Variants in DGKB observed in about 807,000 individuals in gnomAD.
DGKB encodes diacylglycerol kinase beta, also known as 90 kDa diacylglycerol kinase.
Under a neutral mutation model 114.3 loss-of-function variants are expected in DGKB, and 67 were observed. The observed-to-expected ratio is 0.59, with a 90% CI of 0.48 to 0.72. The LOEUF (loss-of-function observed/expected upper bound fraction) is 0.72. Ranked by LOEUF, DGKB falls within the 30% of genes least tolerant of loss-of-function variation. DGKB has a pLI of 0.00. For missense variants in DGKB, 907 were observed against 975.2 expected, an observed-to-expected ratio of 0.93 and a Z score of 0.93; for synonymous variants, 398 against 323.1, an observed-to-expected ratio of 1.23 and a Z score of -2.49.
At chr7:14,336,193 A>T (rs183487003) in intron 23 of DGKB, among the ~76,000 whole-genome samples, 1 of 152,320 alleles carries the variant, frequency 6.6e-6, no homozygotes, top group Non-Finnish European at 1.5e-5. Context: ...ATAAATATGA[A>T]ATCAAAACTT....
intron 1 of DGKB, among the ~76,000 whole-genome samples, chr7:14,922,718 A>T (rs1784569183): frequency 6.6e-6 from 1 of 152,114 alleles, no homozygotes; most frequent in Non-Finnish European, 1.5e-5. Context: ...GTGATTTTAA[A>T]ACTCTTATGA....
intron 1 of DGKB, among the ~76,000 whole-genome samples, chr7:14,856,717 C>A (rs1289246021): frequency 6.6e-6 from 1 of 151,792 alleles, no homozygotes; most frequent in Non-Finnish European, 1.5e-5. Flanking sequence ...AAGATTTAGG[C>A]TTTATTTTTA....
chr7:14,775,020 A>G (rs1369226772), intron 2 of DGKB, among the ~76,000 whole-genome samples: 1 of 152,172 alleles, frequency 6.6e-6, no homozygotes, highest in East Asian at 1.9e-4. Context: ...AAGAATATAT[A>G]ACCTTCCATG....
At chr7:14,712,944 T>C (rs1159202268) in intron 6 of DGKB, among the ~76,000 whole-genome samples, 2 of 152,098 alleles carry the variant, frequency 1.3e-5, no homozygotes, top group Non-Finnish European at 2.9e-5. Context: ...AATAAATATA[T>C]AGCTGTTTGG....
chr7:14,528,676 C>G (rs897056071), intron 20 of DGKB, among the ~76,000 whole-genome samples: 1 of 151,900 alleles, frequency 6.6e-6, no homozygotes, highest in African/African-American at 2.4e-5. Flanking sequence ...AAAAAACTAT[C>G]AAGACATTAT....
At position 14,717,313 on chromosome 7, in the gene DGKB, T is replaced by A. The variant is rs551897740; in HGVS notation, c.466+1229A>T. 2.0e-5 allele frequency among the ~76,000 whole-genome samples: 3 copies of A among 152,272 alleles called. No individual in the cohort carries two copies. In the South Asian group the frequency reaches 6.2e-4, roughly 32 times the overall value. On this transcript the variant is annotated intron_variant, in intron 6 of 25. Coordinates refer to ENST00000402815, the MANE Select transcript of DGKB (RefSeq NM_001350709.2). ...TGTGGAAAAAATGTTTGTCTTTATA[T>A]GTTTATAATCATCCCAAATGTGCTC...
chr7:14,876,682 C>T (rs1041506042), intron 1 of DGKB, among the ~76,000 whole-genome samples: 2 of 152,140 alleles, frequency 1.3e-5, no homozygotes, highest in African/African-American at 2.4e-5. Context: ...TTCCTGGACT[C>T]GTTAGCTGTA....
At chr7:14,400,565 C>T (rs1222131401) in intron 21 of DGKB, among the ~76,000 whole-genome samples, 2 of 151,734 alleles carry the variant, frequency 1.3e-5, no homozygotes, top group Non-Finnish European at 2.9e-5. Context: ...AAAAATAATC[C>T]TGCTTTTCAG....
At chr7:14,204,742 T>C (rs6969205) in intron 23 of DGKB, among the ~76,000 whole-genome samples, 70,150 of 151,778 alleles carry the variant, frequency 0.46, 19,075 homozygotes, top group African/African-American at 0.76. Context: ...GCAAATATTC[T>C]CCACATTGAA....
chr7:14,449,483 A>G (rs1253978227), intron 21 of DGKB, among the ~76,000 whole-genome samples: 1 of 151,908 alleles, frequency 6.6e-6, no homozygotes, highest in East Asian at 1.9e-4. Context: ...CACCCCCTAC[A>G]CTTGGAACAG....
At position 14,505,469 on chromosome 7, in the gene DGKB, A is replaced by G. The variant is rs551678221; in HGVS notation, c.1771-27244T>C. ...ACTCCGTCTCGAAAAAAAAAAAAAG[A>G]AAAAGAAAAAATAAATTCAAACTTA... On this transcript the variant is annotated intron_variant, in intron 20 of 25. Coordinates refer to ENST00000402815, the MANE Select transcript of DGKB (RefSeq NM_001350709.2). Among the ~76,000 whole-genome samples the G allele has an allele frequency of 2.0e-3, 298 of 151,398 alleles. 3 individuals are homozygous for G. Among genetic ancestry groups the G allele is most frequent in the Middle Eastern group, 0.017 (5 of 294 alleles).
chr7:14,761,840 T>G (rs1216230444), intron 2 of DGKB, among the ~76,000 whole-genome samples: 1 of 152,108 alleles, frequency 6.6e-6, no homozygotes, highest in Non-Finnish European at 1.5e-5. Context: ...GGCAGCCCAG[T>G]GCTGAGCAGC....
intron 19 of DGKB, among the ~76,000 whole-genome samples, chr7:14,580,326 T>C (rs1443622660): frequency 2.0e-5 from 3 of 152,214 alleles, no homozygotes; most frequent in Admixed American, 1.3e-4. Flanking sequence ...GTGTAAGGTC[T>C]CACATATGAT....
At chr7:14,724,900 T>C (rs1829787768) in intron 5 of DGKB, among the ~76,000 whole-genome samples, 1 of 152,184 alleles carries the variant, frequency 6.6e-6, no homozygotes, top group Non-Finnish European at 1.5e-5. Flanking sequence ...CTGAGTTCAG[T>C]GGTTCACACC....
chr7:14,862,412 T>G (rs1481671217), intron 1 of DGKB, among the ~76,000 whole-genome samples: 2 of 152,140 alleles, frequency 1.3e-5, no homozygotes, highest in Non-Finnish European at 2.9e-5. Context: ...TAATGATTTT[T>G]AAGTGTTCTC....
At chr7:14,195,073 A>C (rs567079057) in intron 23 of DGKB, among the ~76,000 whole-genome samples, 1 of 152,204 alleles carries the variant, frequency 6.6e-6, no homozygotes. Flanking sequence ...AGCCATGTGT[A>C]TTATCAGTAA....
intron 23 of DGKB, among the ~76,000 whole-genome samples, chr7:14,218,971 G>T (rs1789477462): frequency 1.3e-5 from 2 of 151,852 alleles, no homozygotes; most frequent in East Asian, 3.9e-4. Flanking sequence ...TCTACTTTCT[G>T]CCTCTGTAGA....
At chr7:14,441,456 T>A (rs913532764) in intron 21 of DGKB, among the ~76,000 whole-genome samples, 1 of 152,172 alleles carries the variant, frequency 6.6e-6, no homozygotes, top group East Asian at 1.9e-4. Flanking sequence ...ATTTTGTGTT[T>A]GTTTGATGCA....
chr7:14,897,081 C>A (rs1488493552), intron 1 of DGKB, among the ~76,000 whole-genome samples: 2 of 151,722 alleles, frequency 1.3e-5, no homozygotes, highest in African/African-American at 4.8e-5. Flanking sequence ...ATCTGTCCTT[C>A]CCCTGATTAT....
Sources: allele counts gnomAD v4.1 joint callset (sites outside exome capture counted in the v4.1 genomes callset), GRCh38; gene constraint gnomAD v4.1.1; transcripts MANE v1.5; gene names NCBI Gene and HGNC (gene_info 2026-07-23, HGNC 2026-07-21).